SPRTN: variants seen among roughly 807,000 people sequenced by gnomAD.
The protein encoded by SPRTN is DNA-dependent metalloprotease SPRTN.
In SPRTN, 11 loss-of-function variants were observed where a neutral mutation model predicts 31.9. The observed-to-expected ratio is 0.34, with a 90% CI of 0.22 to 0.57. The LOEUF (loss-of-function observed/expected upper bound fraction) is 0.57. Ranked by LOEUF, SPRTN falls within the 20% of genes least tolerant of loss-of-function variation. The pLI, the probability that SPRTN is intolerant of heterozygous loss-of-function variation, is 0.86. For missense variants in SPRTN, 482 were observed against 590.1 expected, an observed-to-expected ratio of 0.82 and a Z score of 1.90; for synonymous variants, 185 against 212.1, an observed-to-expected ratio of 0.87 and a Z score of 1.11.
Position 231,353,116 on chromosome 1 carries a change from C to A in SPRTN, c.1225C>A (p.Pro409Thr). 1 of 1,613,400 alleles carries A rather than the reference C, an allele frequency of 6.2e-7. No individual in the cohort carries two copies. Among genetic ancestry groups the A allele is most frequent in the Non-Finnish European group, 8.5e-7 (1 of 1,179,766 alleles). The part of the protein sequence containing the change: ...GSEDTFPNKR[P>T]RLEDKTVFDN... Reference sequence around the variant, plus strand: ...TGAAGATACATTCCCAAATAAACGACCTAGGCTAGAAGATAAGACTGTTTT... The same window carrying A: ...TGAAGATACATTCCCAAATAAACGAACTAGGCTAGAAGATAAGACTGTTTT... Residue 409 changes from proline to threonine, a missense_variant, in exon 5 of 5, where the codon CCT becomes ACT. By Grantham distance (38) the Pro-to-Thr change is conservative. This residue lies in a region of SPRTN where 325 missense variants were observed against 350.2 expected (regional missense o/e 0.93). Transcript: ENST00000295050.
chr1:231,351,363 T>C lies in SPRTN; in HGVS notation c.510T>C (p.Asn170=). ...ATCGGCGACACTGGTGGCGCTGCAA[T>C]GGGCCGTGCCAGCACAGGCCACCGT... is the stretch of plus-strand genomic sequence containing the variant. ...DEYRRHWWRC[N]GPCQHRPPYY... The change falls in exon 4 of 5, where the codon AAT becomes AAC. Residue 170 remains asparagine, a synonymous_variant. Transcript: ENST00000295050. 1 of 1,614,062 alleles carries C rather than the reference T, an allele frequency of 6.2e-7. No homozygotes were observed. The highest frequency in any genetic ancestry group is 8.5e-7 in the Non-Finnish European group (1 of 1,179,992).
chr1:231,344,297 A>G (rs769315818), intron 2 of SPRTN, among the ~76,000 whole-genome samples: 2 of 152,196 alleles, frequency 1.3e-5, no homozygotes, highest in Non-Finnish European at 2.9e-5. Context: ...GCTTGAGCCC[A>G]GGAGTTGACC....
intron 2 of SPRTN, among the ~76,000 whole-genome samples, chr1:231,340,727 G>A (rs961505788): frequency 6.6e-6 from 1 of 152,100 alleles, no homozygotes; most frequent in Non-Finnish European, 1.5e-5. Flanking sequence ...GAACCCGGGA[G>A]GCGGAGGTTG....
intron 2 of SPRTN, among the ~76,000 whole-genome samples, chr1:231,345,294 A>G (rs1437538881): frequency 2.0e-5 from 3 of 151,718 alleles, no homozygotes; most frequent in Non-Finnish European, 2.9e-5. Context: ...TGCCTGGCTA[A>G]TTTTTGTGTG....
chr1:231,348,726 A>T (rs1687137235), intron 3 of SPRTN, among the ~76,000 whole-genome samples: 1 of 151,882 alleles, frequency 6.6e-6, no homozygotes, highest in African/African-American at 2.4e-5. Context: ...GTGGCATCTC[A>T]TTTCTCCCTC....
In SPRTN at chr1:231,339,060, A is replaced by G. The variant is rs116253000; in HGVS notation, c.221+456A>G. 6.8e-3 allele frequency among the ~76,000 whole-genome samples: 1,040 copies of G among 152,230 alleles called. 14 individuals are homozygous for G. The highest frequency in any genetic ancestry group is 0.024 in the African/African-American group (987 of 41,530). On this transcript the variant is annotated intron_variant, in intron 1 of 4. Coordinates refer to ENST00000295050, the MANE Select transcript of SPRTN (RefSeq NM_032018.7). Reference sequence around the variant, plus strand: ...AGTTAGCTCGTGTGTTGCATTGGGGATCTTCAGTGATGCTTTTAAAACGAT... The same window carrying G: ...AGTTAGCTCGTGTGTTGCATTGGGGGTCTTCAGTGATGCTTTTAAAACGAT...
intron 2 of SPRTN, among the ~76,000 whole-genome samples, chr1:231,345,300 G>A (rs1687022977): frequency 6.6e-6 from 1 of 151,870 alleles, no homozygotes. Flanking sequence ...GCTAATTTTT[G>A]TGTGTTTAGT....
At position 231,353,313 on chromosome 1, in the gene SPRTN, G is replaced by C; in HGVS notation, c.1422G>C (p.Trp474Cys). The change falls in exon 5 of 5, where the codon TGG (tryptophan) becomes TGC (cysteine). Residue 474 changes from tryptophan (W) to cysteine (C), a missense_variant. Around this residue, in one of 2 missense-constraint regions of SPRTN, gnomAD observed 325 missense variants for 350.2 expected, o/e 0.93. Coordinates refer to ENST00000295050, the MANE Select transcript of SPRTN (RefSeq NM_032018.7). ...CTCAGATTAATGAGCACTTGGACTG[G>C]TGCCTTGAAGGTGACAGCATCAAAG... ...LESQINEHLD[W>C]CLEGDSIKVK... is the part of the protein sequence containing the mutation. 2.5e-6 allele frequency: 4 copies of C among 1,601,454 alleles called. No individual in the cohort carries two copies. The highest frequency in any genetic ancestry group is 3.4e-6 in the Non-Finnish European group (4 of 1,176,794).
rs764047906 is a variant in SPRTN, at chr1:231,352,983, C to G, written c.1092C>G (p.Val364=). 8.7e-6 allele frequency: 14 copies of G among 1,614,018 alleles called. No homozygotes were observed. The Admixed American group carries it at 2.0e-4, about 23-fold the overall frequency. ...TTGGCAACATCCCTAAAAACTCAGTCTCTTCTAGTTCTCAGAGAAGGGTTT... is the reference window on the plus strand; with the variant it reads ...TTGGCAACATCCCTAAAAACTCAGTGTCTTCTAGTTCTCAGAGAAGGGTTT... ...VTVGNIPKNS[V]SSSSQRRVSS... The change falls in exon 5 of 5, where the codon GTC becomes GTG. Residue 364 remains valine (V), a synonymous_variant. Transcript: ENST00000295050.
At chr1:231,339,623 G>A (rs1686801696) in intron 1 of SPRTN, 146 bp from the exon 2 acceptor site, 2 of 869,448 alleles carry the variant, frequency 2.3e-6, no homozygotes, top group African/African-American at 3.3e-5. Context: ...AATTAATTAG[G>A]TGAAATGCAA....
At chr1:231,340,353 C>T (rs772771327) in intron 2 of SPRTN, among the ~76,000 whole-genome samples, 1 of 152,010 alleles carries the variant, frequency 6.6e-6, no homozygotes, top group Non-Finnish European at 1.5e-5. Context: ...GGTGACAGAG[C>T]AAGACTCTGT....
chr1:231,350,812 C>G (rs1687201038), intron 3 of SPRTN, among the ~76,000 whole-genome samples: 1 of 124,370 alleles, frequency 8.0e-6, no homozygotes, highest in Admixed American at 8.3e-5. Context: ...GGGTAAGATA[C>G]TTGTGTTGTT....
chr1:231,338,443 G>C lies in SPRTN; in HGVS notation c.60G>C (p.Ala20=). ...RLQEEWNLQE[A]ERDHAQESLS... is the part of the protein sequence containing the mutation. ...AGGAGGAGTGGAACTTGCAGGAGGC[G>C]GAGCGCGATCATGCCCAGGAGTCCC... is the stretch of plus-strand genomic sequence containing the variant. Residue 20 remains alanine, a synonymous_variant, in exon 1 of 5, where the codon GCG becomes GCC. Coordinates refer to ENST00000295050, the MANE Select transcript of SPRTN (RefSeq NM_032018.7). 3 of 1,614,280 alleles carry C rather than the reference G, an allele frequency of 1.9e-6. No individual in the cohort carries two copies. The highest frequency in any genetic ancestry group is 2.5e-6 in the Non-Finnish European group (3 of 1,180,044).
At chr1:231,348,399 T>C (rs1412457272) in intron 3 of SPRTN, among the ~76,000 whole-genome samples, 1 of 152,148 alleles carries the variant, frequency 6.6e-6, no homozygotes, top group Non-Finnish European at 1.5e-5. Flanking sequence ...CACCAATTAT[T>C]AACTTTCCTA....
Position 231,353,235 on chromosome 1 carries a change from C to G in SPRTN, c.1344C>G (p.Ser448=). ...CAGCTCAGAATTCCAGCAGTTCATCCAGTCAGAGCAAAATGGTTAATTGCC... is the reference window on the plus strand; with the variant it reads ...CAGCTCAGAATTCCAGCAGTTCATCGAGTCAGAGCAAAATGGTTAATTGCC... The part of the protein sequence containing the change: ...TTTAQNSSSS[S]SQSKMVNCPV... The change falls in exon 5 of 5, where the codon TCC becomes TCG. Residue 448 remains serine, a synonymous_variant. Coordinates refer to ENST00000295050, the MANE Select transcript of SPRTN (RefSeq NM_032018.7). The G allele has an allele frequency of 6.2e-7, 1 of 1,614,092 alleles. No homozygotes were observed. Among genetic ancestry groups the G allele is most frequent in the Non-Finnish European group, 8.5e-7 (1 of 1,179,968 alleles).
Position 231,353,040 on chromosome 1 carries a change from A to G in SPRTN, c.1149A>G (p.Ser383=), listed in dbSNP as rs1420298610. 1.2e-6 allele frequency: 2 copies of G among 1,614,190 alleles called. No individual in the cohort carries two copies. The highest frequency in any genetic ancestry group is 2.2e-5 in the East Asian group (1 of 44,882). Residue 383 remains serine (S), a synonymous_variant, in exon 5 of 5, where the codon TCA becomes TCG. Transcript: ENST00000295050. ...CTAAGATATCCCTAAGAAATTCTTC[A>G]AAAGTAACGGAATCAGCATCTGTGA... is the stretch of plus-strand genomic sequence containing the variant. ...SSSKISLRNS[S]KVTESASVMP...
chr1:231,340,032 T>C (rs892023725), intron 2 of SPRTN, 164 bp downstream of exon 2: 1 of 574,600 alleles, frequency 1.7e-6, no homozygotes. Flanking sequence ...TTATGTTTTT[T>C]ATAGTGCTTC....
intron 2 of SPRTN, among the ~76,000 whole-genome samples, chr1:231,341,283 T>A (rs180821409): frequency 1.4e-3 from 214 of 152,002 alleles, no homozygotes; most frequent in Admixed American, 3.6e-3. Context: ...CTATTGTGGC[T>A]ATAAGGTTGA....
intron 1 of SPRTN, 166 bp from the exon 2 acceptor site, chr1:231,339,603 G>C: frequency 1.2e-6 from 1 of 810,082 alleles, no homozygotes; most frequent in Non-Finnish European, 2.1e-6. Context: ...CGCCCGCGGG[G>C]GTTGTAACTA....
Sources: gnomAD v4.1 joint callset for allele counts (sites outside exome capture counted in the v4.1 genomes callset) on GRCh38, gnomAD v4.1.1 for gene constraint, gnomAD v4.1.1 regional missense constraint, MANE v1.5 for transcripts, NCBI Gene and HGNC (gene_info 2026-07-23, HGNC 2026-07-21) for gene names.